MAP3K5: variants seen among roughly 807,000 people sequenced by gnomAD.
MAP3K5 encodes the protein mitogen-activated protein kinase kinase kinase 5.
In MAP3K5, 56 loss-of-function variants were observed where a neutral mutation model predicts 158.7. The ratio of observed to expected loss-of-function variants is 0.35; its 90% CI spans 0.28 to 0.44. The LOEUF (loss-of-function observed/expected upper bound fraction) is 0.44, where lower values mean the gene tolerates loss of function less well. MAP3K5 is among the 20% of genes least tolerant of loss of function. MAP3K5 has a pLI of 1.00. For synonymous variants in MAP3K5, 579 were observed against 601.7 expected (o/e 0.96, Z 0.55); for missense variants, 1,294 against 1,674.8 (o/e 0.77, Z 3.97).
At chr6:136,641,523 T>A (rs1160972414) in intron 12 of MAP3K5, among the ~76,000 whole-genome samples, 1 of 152,022 alleles carries the variant, frequency 6.6e-6, no homozygotes, top group Admixed American at 6.6e-5. Context: ...ATATATATAT[T>A]ATTTCTAAAT....
intron 1 of MAP3K5, among the ~76,000 whole-genome samples, chr6:136,744,213 C>T (rs954836316): frequency 1.2e-4 from 18 of 152,092 alleles, no homozygotes; most frequent in Non-Finnish European, 1.3e-4. Flanking sequence ...GTAACAAATG[C>T]ACCACTCTAG....
At chr6:136,575,574 G>A (rs1180799416) in intron 25 of MAP3K5, among the ~76,000 whole-genome samples, 5 of 152,038 alleles carry the variant, frequency 3.3e-5, no homozygotes, top group Non-Finnish European at 5.9e-5. Flanking sequence ...TTGTCATGTC[G>A]CCTTAGTCTC....
At chr6:136,749,194 GA>G (rs1291043204) in intron 1 of MAP3K5, among the ~76,000 whole-genome samples, 3 of 152,006 alleles carry the variant, frequency 2.0e-5, no homozygotes, top group Non-Finnish European at 2.9e-5. Flanking sequence ...CCAACATGGT[GA>G]AACCCCATCT....
intron 11 of MAP3K5, among the ~76,000 whole-genome samples, chr6:136,646,164 C>T (rs1338837960): frequency 2.0e-5 from 3 of 151,986 alleles, no homozygotes; most frequent in Non-Finnish European, 2.9e-5. Context: ...GAAACTGATA[C>T]AAGAAAGCTT....
intron 18 of MAP3K5, among the ~76,000 whole-genome samples, chr6:136,607,311 C>T (rs967313127): frequency 5.3e-5 from 8 of 151,998 alleles, no homozygotes; most frequent in African/African-American, 1.9e-4. Flanking sequence ...TTTTAAACAT[C>T]GTAAATTAGA....
chr6:136,730,153 G>GTTTT (rs60058823), intron 1 of MAP3K5, among the ~76,000 whole-genome samples: 5 of 133,390 alleles, frequency 3.7e-5, no homozygotes, highest in East Asian at 2.1e-4. Flanking sequence ...TTGTTTGGTT[G>GTTTT]TTTTTTTTTT....
chr6:136,591,252 C>T (rs1271386566), intron 23 of MAP3K5, among the ~76,000 whole-genome samples: 1 of 152,182 alleles, frequency 6.6e-6, no homozygotes, highest in Non-Finnish European at 1.5e-5. Flanking sequence ...CAGACTAATA[C>T]ATATAGTTTC....
At chr6:136,787,021 C>T (rs899248637) in intron 1 of MAP3K5, among the ~76,000 whole-genome samples, 1 of 152,030 alleles carries the variant, frequency 6.6e-6, no homozygotes, top group Non-Finnish European at 1.5e-5. Flanking sequence ...CTTCATTAGG[C>T]TCTCCTTGCT....
chr6:136,774,485 T>C (rs538990926), intron 1 of MAP3K5, among the ~76,000 whole-genome samples: 91 of 152,022 alleles, frequency 6.0e-4, no homozygotes, highest in African/African-American at 2.0e-3. Context: ...AACAAACAAT[T>C]AGCACAATAT....
At chr6:136,676,541 G>C (rs1779709728) in intron 7 of MAP3K5, among the ~76,000 whole-genome samples, 1 of 151,852 alleles carries the variant, frequency 6.6e-6, no homozygotes, top group African/African-American at 2.4e-5. Context: ...ATTGATTGTT[G>C]TTTATGTAGA....
rs750368502 is a variant in MAP3K5, at chr6:136,557,757, G to A, written c.*1C>T. The A allele has an allele frequency of 6.6e-5, 106 of 1,607,758 alleles. No individual in the cohort carries two copies. Among genetic ancestry groups the A allele is most frequent in the Admixed American group, 8.3e-5 (5 of 59,986 alleles). ...CCATCGAAGATTAGATTGAGCAACA[G>A]TCAAGTCTGTTTGTTTCGAAAGTCA... is the stretch of plus-strand genomic sequence containing the variant. On this transcript the variant is annotated 3_prime_UTR_variant, in exon 30 of 30. Transcript: ENST00000359015.
rs549412435 is a variant in MAP3K5 at position 136,656,969 on chromosome 6, G to A, written c.1527-509C>T. 5.9e-5 allele frequency among the ~76,000 whole-genome samples: 9 copies of A among 152,268 alleles called. No individual in the cohort carries two copies. The South Asian group carries it at 1.2e-3, about 21-fold the overall frequency. On this transcript the variant is annotated intron_variant, in intron 9 of 29. Coordinates refer to ENST00000359015, the MANE Select transcript of MAP3K5 (RefSeq NM_005923.4). ...TTCTATCTCACAAAAACTCAATAAC[G>A]TTGGTTATTTTATCCCTATTTTAGA...
chr6:136,572,006 G>A (rs1774391373), intron 25 of MAP3K5, among the ~76,000 whole-genome samples: 1 of 152,178 alleles, frequency 6.6e-6, no homozygotes, highest in Admixed American at 6.5e-5. Flanking sequence ...TACGGTAGGA[G>A]TAAGTCAAAA....
intron 1 of MAP3K5, among the ~76,000 whole-genome samples, chr6:136,762,397 A>G (rs1389326024): frequency 6.6e-6 from 1 of 152,222 alleles, no homozygotes; most frequent in African/African-American, 2.4e-5. Context: ...ATACACAGCC[A>G]AGAGCTGTCT....
chr6:136,698,773 C>A, intron 3 of MAP3K5, 91 bp from the exon 4 acceptor site: 1 of 849,246 alleles, frequency 1.2e-6, no homozygotes, highest in Non-Finnish European at 1.8e-6. Flanking sequence ...TAAATAATTC[C>A]AAATGCAAAG....
intron 1 of MAP3K5, among the ~76,000 whole-genome samples, chr6:136,760,585 C>T (rs1343925085): frequency 6.6e-6 from 1 of 152,172 alleles, no homozygotes; most frequent in South Asian, 2.1e-4. Context: ...GAAATCCTCA[C>T]CCCCCAAGGT....
intron 1 of MAP3K5, among the ~76,000 whole-genome samples, chr6:136,765,019 A>G (rs1046253311): frequency 3.9e-5 from 6 of 152,200 alleles, no homozygotes; most frequent in African/African-American, 1.4e-4. Flanking sequence ...TGTAGCCACC[A>G]ATGTGCGGCA....
intron 1 of MAP3K5, among the ~76,000 whole-genome samples, chr6:136,770,799 T>C (rs1242664710): frequency 2.6e-5 from 4 of 152,242 alleles, no homozygotes; most frequent in Middle Eastern, 6.8e-3. Flanking sequence ...TTCTCGGATA[T>C]ATGTATGAAG....
intron 7 of MAP3K5, among the ~76,000 whole-genome samples, chr6:136,683,154 A>C (rs915756974): frequency 1.3e-5 from 2 of 152,230 alleles, no homozygotes; most frequent in Non-Finnish European, 2.9e-5. Flanking sequence ...TGTTTCATTT[A>C]ATCCTCACAA....
Sources: allele counts gnomAD v4.1 joint callset (sites outside exome capture counted in the v4.1 genomes callset), GRCh38; gene constraint gnomAD v4.1.1; transcripts MANE v1.5; gene names NCBI Gene and HGNC (gene_info 2026-07-23, HGNC 2026-07-21).